OVCH1: variants seen among roughly 807,000 people sequenced by gnomAD.
OVCH1 encodes the protein ovochymase-1.
In OVCH1, 139 loss-of-function variants were observed where a neutral mutation model predicts 138.4. The observed-to-expected ratio is 1.00, with a 90% CI of 0.87 to 1.16. The LOEUF (loss-of-function observed/expected upper bound fraction) is 1.16. Ranked by LOEUF, OVCH1 falls within the 50% of genes most tolerant of loss-of-function variation. The pLI is 0.00. For missense variants in OVCH1, 1,367 were observed against 1,357.9 expected (o/e 1.01, Z -0.11); for synonymous variants, 453 against 467.8 (o/e 0.97, Z 0.41).
At position 29,495,338 on chromosome 12, in the gene OVCH1, TC is replaced by T; in HGVS notation, c.400del (p.Glu134AsnfsTer3). On this transcript the variant is annotated frameshift_variant, in exon 4 of 28. Coordinates refer to ENST00000318184, the Ensembl canonical transcript of OVCH1. LOFTEE classifies it high-confidence loss of function. ...CAGTGCAATATCAGGACTCATATAT[TC>T]ACGGCTGTTGTATTCAGGATGGGTA... 6.2e-7 allele frequency: 1 copy of T among 1,613,282 alleles called. No homozygotes were observed. Among genetic ancestry groups the T allele is most frequent in the Non-Finnish European group, 8.5e-7 (1 of 1,179,426 alleles).
intron 23 of OVCH1, among the ~76,000 whole-genome samples, chr12:29,444,706 G>T (rs1260774387): frequency 2.0e-5 from 3 of 151,878 alleles, no homozygotes; most frequent in Non-Finnish European, 1.5e-5. Context: ...TAGGTGCCAA[G>T]GGGGGAAACT....
rs749237050 is a variant in OVCH1, at chr12:29,471,931, G to C, written c.1727C>G (p.Ala576Gly). Residue 576 changes from alanine (A) to glycine (G), a missense_variant, in exon 16 of 28, where the codon GCA (alanine) becomes GGA (glycine). Coordinates refer to ENST00000318184, the Ensembl canonical transcript of OVCH1. ...GTGGGGGCAGGCTTCTTCCCCTCCT[G>C]CGATTCTTCTGGAAAGCCACTGGGG... 3 of 1,613,178 alleles carry C rather than the reference G, an allele frequency of 1.9e-6. No individual in the cohort carries two copies. Among genetic ancestry groups the C allele is most frequent in the African/African-American group, 2.7e-5 (2 of 74,852 alleles).
At chr12:29,491,064 G>A (rs1943259274) in intron 5 of OVCH1, 33 bp downstream of exon 5, 1 of 1,545,598 alleles carries the variant, frequency 6.5e-7, no homozygotes, top group East Asian at 2.2e-5. Context: ...CAGAGAGCTG[G>A]AAGAAGTATT....
At chr12:29,467,893 G>C (rs1942373491) in intron 16 of OVCH1, among the ~76,000 whole-genome samples, 1 of 152,158 alleles carries the variant, frequency 6.6e-6, no homozygotes. Context: ...TGCCAGGGAA[G>C]CTAAAAGGCA....
At chr12:29,481,176 C>T (rs1372007028) in intron 8 of OVCH1, among the ~76,000 whole-genome samples, 1 of 151,978 alleles carries the variant, frequency 6.6e-6, no homozygotes, top group African/African-American at 2.4e-5. Flanking sequence ...TTTACCTCTC[C>T]CTACATCTAC....
At chr12:29,415,501 C>A (rs1941020783) in intron 3 of OVCH1, among the ~76,000 whole-genome samples, 1 of 152,072 alleles carries the variant, frequency 6.6e-6, no homozygotes, top group Non-Finnish European at 1.5e-5. Flanking sequence ...GATATAAGGT[C>A]AACACAAAGA....
intron 25 of OVCH1, among the ~76,000 whole-genome samples, chr12:29,441,252 G>A (rs1941477569): frequency 6.6e-6 from 1 of 152,108 alleles, no homozygotes; most frequent in Non-Finnish European, 1.5e-5. Context: ...AAACAGCATG[G>A]CACTGGTACC....
chr12:29,426,354 G>T (rs1357488768), downstream of OVCH1, among the ~76,000 whole-genome samples: 1 of 152,168 alleles, frequency 6.6e-6, no homozygotes, highest in African/African-American at 2.4e-5. Context: ...TGTTTTAAAT[G>T]ATAGATAATA....
At chr12:29,409,491 G>A (rs1185198729), downstream of OVCH1, among the ~76,000 whole-genome samples, 1 of 151,912 alleles carries the variant, frequency 6.6e-6, no homozygotes, top group African/African-American at 2.4e-5. Context: ...GTGTCCCAGA[G>A]ATTCTGGTAT....
At chr12:29,444,215 C>G in exon 24 of OVCH1, 3 of 1,612,498 alleles carry the variant, frequency 1.9e-6, no homozygotes, top group Non-Finnish European at 2.5e-6. Context: ...AGAACATCCT[C>G]ACAAGGGACC....
chr12:29,460,179 A>G (rs1194910009), intron 19 of OVCH1, among the ~76,000 whole-genome samples: 1 of 152,192 alleles, frequency 6.6e-6, no homozygotes, highest in Non-Finnish European at 1.5e-5. Flanking sequence ...TGAGATCATG[A>G]TATTTAGGTC....
At chr12:29,477,637 A>G in intron 9 of OVCH1, 159 bp from the exon 11 acceptor site, 1 of 1,587,326 alleles carries the variant, frequency 6.3e-7, no homozygotes. Flanking sequence ...TGCTTCAGTG[A>G]CTTTGCTATT....
chr12:29,470,800 T>A (rs953258228), intron 16 of OVCH1, among the ~76,000 whole-genome samples: 5 of 152,208 alleles, frequency 3.3e-5, no homozygotes, highest in Non-Finnish European at 5.9e-5. Flanking sequence ...CCACACTGTC[T>A]TCCACAATGG....
At chr12:29,451,172 A>C (rs908997305) in intron 22 of OVCH1, among the ~76,000 whole-genome samples, 173 bp downstream of exon 22, 38 of 151,944 alleles carry the variant, frequency 2.5e-4, no homozygotes, top group Admixed American at 1.8e-3. Context: ...TAATCATAAT[A>C]ATAATAATAA....
At chr12:29,476,371 G>A in intron 12 of OVCH1, 72 bp from the exon 13 acceptor site, 3 of 1,270,402 alleles carry the variant, frequency 2.4e-6, no homozygotes, top group Admixed American at 1.7e-5. Context: ...GTTTTCCTCT[G>A]TGTATTTAAA....
chr12:29,465,237 G>A lies in OVCH1; in HGVS notation c.1857-18C>T. 1 of 1,571,612 alleles carries A rather than the reference G, an allele frequency of 6.4e-7. No individual in the cohort carries two copies. Among genetic ancestry groups the A allele is most frequent in the Non-Finnish European group, 8.6e-7 (1 of 1,156,228 alleles). On this transcript the variant is annotated intron_variant, in intron 16 of 27. Coordinates refer to ENST00000318184, the Ensembl canonical transcript of OVCH1. ...TATTCTTCCTGGAGACAGAAGAACA[G>A]TGAAAGTTTGACATGAAAACACATT...
At chr12:29,486,204 G>T in intron 8 of OVCH1, 46 bp downstream of exon 8, 1 of 1,520,734 alleles carries the variant, frequency 6.6e-7, no homozygotes, top group South Asian at 1.1e-5. Context: ...TTCCTCTGAT[G>T]ACTTTCTTCA....
At chr12:29,456,949 C>T (rs1391965632) in intron 19 of OVCH1, among the ~76,000 whole-genome samples, 2 of 152,092 alleles carry the variant, frequency 1.3e-5, no homozygotes, top group African/African-American at 4.8e-5. Context: ...TATTTAGGAC[C>T]AAACTAAGTC....
chr12:29,469,040 A>G (rs1479789184), intron 16 of OVCH1, among the ~76,000 whole-genome samples: 3 of 152,170 alleles, frequency 2.0e-5, no homozygotes, highest in Non-Finnish European at 4.4e-5. Flanking sequence ...AGACACAGAA[A>G]ACAAAGGACT....
Sources: gnomAD v4.1 joint callset for allele counts (sites outside exome capture counted in the v4.1 genomes callset) on GRCh38, gnomAD v4.1.1 for gene constraint, MANE v1.5 for transcripts, NCBI Gene and HGNC (gene_info 2026-07-23, HGNC 2026-07-21) for gene names.